The following RTL9 variants were observed in gnomAD, a reference collection of about 807,000 sequenced individuals.
The protein encoded by RTL9 is retrotransposon Gag like 9.
A neutral mutation model predicts 44.7 loss-of-function variants in RTL9; 19 were observed. The observed-to-expected ratio is 0.42, with a 90% CI of 0.30 to 0.62. The LOEUF is 0.62. Among genes scored for constraint, RTL9 ranks in the 20% least tolerant of loss-of-function variants. The pLI, the probability that RTL9 is intolerant of heterozygous loss-of-function variation, is 0.16. For missense variants in RTL9, 1,105 were observed against 1,080.6 expected (o/e 1.02, Z -0.32); for synonymous variants, 407 against 398.9 (o/e 1.02, Z -0.24).
At chrX:110,409,810 C>T (rs190511024) in intron 1 of RTL9, among the ~76,000 whole-genome samples, 2 of 111,504 alleles carry the variant, frequency 1.8e-5, no homozygotes, top group African/African-American at 3.3e-5. Context: ...GGGCAGGGGG[C>T]AGCACCTCAC....
chrX:110,426,899 A>G (rs1464346935), intron 1 of RTL9: 1 of 112,347 alleles, frequency 8.9e-6, no homozygotes, highest in African/African-American at 3.2e-5. Context: ...CCCCTCTCCC[A>G]TGTCCTACCC....
intron 1 of RTL9, among the ~76,000 whole-genome samples, chrX:110,365,828 G>A (rs2068293589): frequency 8.9e-6 from 1 of 112,001 alleles, no homozygotes; most frequent in African/African-American, 3.2e-5. Flanking sequence ...TATGCAAAGT[G>A]CCAAGCATAG....
intron 1 of RTL9, among the ~76,000 whole-genome samples, chrX:110,388,610 C>T (rs941740285): frequency 1.5e-4 from 17 of 112,199 alleles, no homozygotes; most frequent in African/African-American, 4.9e-4. Flanking sequence ...GGTTCTCAGG[C>T]GTGAGGATGC....
intron 1 of RTL9, among the ~76,000 whole-genome samples, chrX:110,442,570 T>G (rs1361136625): frequency 9.0e-6 from 1 of 111,204 alleles, no homozygotes; most frequent in Non-Finnish European, 1.9e-5. Context: ...AAACTTGTAT[T>G]CCCGACCTGA....
At chrX:110,365,224 G>GACTT (rs2148254300) in intron 1 of RTL9, among the ~76,000 whole-genome samples, 1 of 111,810 alleles carries the variant, frequency 8.9e-6, no homozygotes, top group African/African-American at 3.2e-5. Flanking sequence ...CTTTATAGCA[G>GACTT]ACTTACTGAG....
chrX:110,371,207 T>G (rs942064162), intron 1 of RTL9, among the ~76,000 whole-genome samples: 8 of 110,930 alleles, frequency 7.2e-5, no homozygotes, highest in Admixed American at 9.6e-5. Context: ...CTTCATCCTC[T>G]TTGTGTACCC....
At chrX:110,442,496 A>G (rs1443007640) in intron 1 of RTL9, among the ~76,000 whole-genome samples, 1 of 111,477 alleles carries the variant, frequency 9.0e-6, no homozygotes, top group East Asian at 2.8e-4. Context: ...GTGCTCTAGA[A>G]ACAGAAGAGT....
At chrX:110,389,367 T>A (rs981070410) in intron 1 of RTL9, among the ~76,000 whole-genome samples, 9 of 112,162 alleles carry the variant, frequency 8.0e-5, no homozygotes, top group African/African-American at 2.6e-4. Context: ...ATAGATGAGG[T>A]TGCTTGCAAC....
At chrX:110,450,529 A>G (rs941368899), upstream of RTL9, 53 of 792,632 alleles carry the variant, frequency 6.7e-5, no homozygotes, top group African/African-American at 5.9e-4. Context: ...TCTTCTTGAT[A>G]CTGGCTTTTG....
At chrX:110,433,095 G>A (rs1029080056) in intron 1 of RTL9, among the ~76,000 whole-genome samples, 2 of 112,408 alleles carry the variant, frequency 1.8e-5, no homozygotes, top group Admixed American at 9.4e-5. Flanking sequence ...CTGTGAGCTC[G>A]TGAGAACCTG....
chrX:110,427,780 G>A (rs374429265), intron 1 of RTL9, among the ~76,000 whole-genome samples: 1 of 111,963 alleles, frequency 8.9e-6, no homozygotes, highest in Non-Finnish European at 1.9e-5. Context: ...GCTCTTGCTT[G>A]TTCATTCTAG....
At chrX:110,438,243 T>G (rs1048279187) in intron 1 of RTL9, among the ~76,000 whole-genome samples, 5 of 111,449 alleles carry the variant, frequency 4.5e-5, no homozygotes, top group Non-Finnish European at 7.5e-5. Flanking sequence ...GGTTGGCATT[T>G]TAACTGATGC....
At chrX:110,420,465 C>T (rs1269443721) in intron 1 of RTL9, among the ~76,000 whole-genome samples, 1 of 112,254 alleles carries the variant, frequency 8.9e-6, no homozygotes, top group Non-Finnish European at 1.9e-5. Context: ...AGGTGCCTCT[C>T]ACCACAGGGT....
At chrX:110,435,695 C>T (rs1378318853) in intron 1 of RTL9, among the ~76,000 whole-genome samples, 1 of 111,965 alleles carries the variant, frequency 8.9e-6, no homozygotes, top group Non-Finnish European at 1.9e-5. Flanking sequence ...AGGACTTCTA[C>T]TGATTTCTCT....
chrX:110,453,663 A>G, exon 1 of RTL9: 3 of 1,212,155 alleles, frequency 2.5e-6, no homozygotes, highest in Non-Finnish European at 3.3e-6. Flanking sequence ...AAGGATGGCC[A>G]CAGCGCCAAT....
chrX:110,387,326 G>C (rs2068462702), intron 1 of RTL9, among the ~76,000 whole-genome samples: 2 of 111,975 alleles, frequency 1.8e-5, no homozygotes, highest in African/African-American at 6.5e-5. Context: ...GACACGTTTG[G>C]TTTGGTCCAA....
intron 1 of RTL9, among the ~76,000 whole-genome samples, chrX:110,392,791 C>A (rs1027916585): frequency 1.8e-5 from 2 of 111,505 alleles, no homozygotes; most frequent in Admixed American, 9.5e-5. Flanking sequence ...TCATTTACAC[C>A]CTTTAGGCCT....
chrX:110,454,390 T>G, exon 1 of RTL9: 1 of 1,212,308 alleles, frequency 8.2e-7, no homozygotes, highest in Non-Finnish European at 1.1e-6. Context: ...GACTTCCTGC[T>G]GCTGGCCCGA....
At chrX:110,406,421 G>A (rs1465360616) in intron 1 of RTL9, among the ~76,000 whole-genome samples, 1 of 111,745 alleles carries the variant, frequency 8.9e-6, no homozygotes, top group Non-Finnish European at 1.9e-5. Flanking sequence ...CCATGTCCCT[G>A]CAAAGGACGT....
Sources: allele counts gnomAD v4.1 joint callset (sites outside exome capture counted in the v4.1 genomes callset), GRCh38; gene constraint gnomAD v4.1.1; transcripts MANE v1.5; gene names NCBI Gene and HGNC (gene_info 2026-07-23, HGNC 2026-07-21).